PLCL2: variants seen among roughly 807,000 people sequenced by gnomAD.
The protein encoded by PLCL2 is inactive phospholipase C-like protein 2.
A neutral mutation model predicts 79.6 loss-of-function variants in PLCL2; 4 were observed. The ratio of observed to expected loss-of-function variants is 0.05; its 90% CI spans 0.02 to 0.11. The LOEUF is 0.11. Ranked by LOEUF, PLCL2 falls within the 10% of genes least tolerant of loss-of-function variation. The pLI is 1.00. For missense variants in PLCL2, 895 were observed against 1,291.0 expected (o/e 0.69, Z 4.70); for synonymous variants, 484 against 457.7 (o/e 1.06, Z -0.73).
intron 1 of PLCL2, among the ~76,000 whole-genome samples, chr3:16,906,487 C>A (rs1048083831): frequency 2.4e-4 from 36 of 151,834 alleles, no homozygotes; most frequent in African/African-American, 8.5e-4. Flanking sequence ...TTAATTTTTG[C>A]AAAGATAATA....
chr3:16,944,611 A>T (rs1228112171), intron 1 of PLCL2, among the ~76,000 whole-genome samples: 1 of 152,220 alleles, frequency 6.6e-6, no homozygotes, highest in Admixed American at 6.5e-5. Context: ...CACAGAGAGG[A>T]GATGGCCATT....
intron 1 of PLCL2, among the ~76,000 whole-genome samples, chr3:16,939,327 T>C (rs1177967152): frequency 1.3e-5 from 2 of 152,248 alleles, no homozygotes; most frequent in Non-Finnish European, 2.9e-5. Context: ...TAAATGCTTA[T>C]TTTAGAAAAA....
intron 1 of PLCL2, among the ~76,000 whole-genome samples, chr3:16,944,794 C>T (rs2063585198): frequency 1.3e-5 from 2 of 150,648 alleles, no homozygotes; most frequent in Non-Finnish European, 3.0e-5. Context: ...GAGTCTCCTT[C>T]TGTCGCCCAG....
intron 1 of PLCL2, among the ~76,000 whole-genome samples, chr3:16,911,826 T>C (rs1696887840): frequency 6.6e-6 from 1 of 152,228 alleles, no homozygotes; most frequent in African/African-American, 2.4e-5. Flanking sequence ...ATCTGAAACT[T>C]TTTGGGTACC....
chr3:17,007,192 A>T (rs1266470640), intron 1 of PLCL2, among the ~76,000 whole-genome samples: 1 of 152,120 alleles, frequency 6.6e-6, no homozygotes, highest in East Asian at 1.9e-4. Context: ...GGTGGCTCAC[A>T]CCTGTAATCC....
intron 1 of PLCL2, among the ~76,000 whole-genome samples, chr3:16,939,841 G>A (rs964351026): frequency 1.4e-4 from 22 of 152,168 alleles, no homozygotes; most frequent in Admixed American, 2.6e-4. Context: ...TCAGAAAAAC[G>A]TTTGTTTCTA....
In PLCL2 at chr3:16,993,213, A is replaced by G. The variant is rs111771563; in HGVS notation, c.328-16461A>G. 4.8e-4 allele frequency among the ~76,000 whole-genome samples: 73 copies of G among 152,326 alleles called. 1 individual carries two copies. Among genetic ancestry groups the G allele is most frequent in the Non-Finnish European group, 8.5e-4 (58 of 68,032 alleles). Reference sequence around the variant, plus strand: ...GATGATCATATGTTTCAGTTTGCCCAGGGCAGTCCCTGTTGATGTGGCATG... The same window carrying G: ...GATGATCATATGTTTCAGTTTGCCCGGGGCAGTCCCTGTTGATGTGGCATG... On this transcript the variant is annotated intron_variant, in intron 1 of 5. Transcript: ENST00000615277.
intron 3 of PLCL2, among the ~76,000 whole-genome samples, chr3:17,029,603 C>G (rs756295839): frequency 4.6e-5 from 7 of 152,126 alleles, no homozygotes; most frequent in Non-Finnish European, 8.8e-5. Context: ...GATGTTAGCA[C>G]ATGGACTGGG....
chr3:17,032,995 A>G (rs1037262705), intron 3 of PLCL2, among the ~76,000 whole-genome samples: 4 of 152,122 alleles, frequency 2.6e-5, no homozygotes, highest in African/African-American at 9.7e-5. Flanking sequence ...GCTTTTTATA[A>G]TTTGAAAATT....
chr3:16,923,963 A>G (rs1355869672), intron 1 of PLCL2, among the ~76,000 whole-genome samples: 4 of 152,194 alleles, frequency 2.6e-5, no homozygotes, highest in Middle Eastern at 3.4e-3. Context: ...TTAAAAAGTC[A>G]TTTTGATCTA....
rs1042754373 is a variant in PLCL2, at chr3:16,886,326, T to G, written c.327+960T>G. 6.6e-6 allele frequency among the ~76,000 whole-genome samples: 1 copy of G among 152,186 alleles called. No homozygotes were observed. The highest frequency in any genetic ancestry group is 1.5e-5 in the Non-Finnish European group (1 of 68,036). ...TTGCTTTCTGAAAATCAAGGAGTTA[T>G]CAGGACAGGGAGCAGCAAAGCAAAT... On this transcript the variant is annotated intron_variant, in intron 1 of 5. Coordinates refer to ENST00000615277, the MANE Select transcript of PLCL2 (RefSeq NM_001144382.2). The surrounding 1 kb of genome is among the most constrained non-coding windows in gnomAD (Gnocchi z 4.2).
At chr3:16,959,782 T>A (rs1259516709) in intron 1 of PLCL2, among the ~76,000 whole-genome samples, 2 of 152,206 alleles carry the variant, frequency 1.3e-5, no homozygotes, top group Non-Finnish European at 2.9e-5. Flanking sequence ...ACAGTGTCTC[T>A]TCCAGCTTGA....
chr3:16,945,918 C>T (rs971311028), intron 1 of PLCL2, among the ~76,000 whole-genome samples: 4 of 152,208 alleles, frequency 2.6e-5, no homozygotes, highest in Admixed American at 1.3e-4. Flanking sequence ...TCCCTCTTTT[C>T]ACTTTCTCTT....
intron 5 of PLCL2, among the ~76,000 whole-genome samples, chr3:17,080,648 A>G (rs1323458669): frequency 6.6e-6 from 1 of 152,038 alleles, no homozygotes; most frequent in Non-Finnish European, 1.5e-5. Context: ...ACAGGATTTC[A>G]CCATGTTGGC....
intron 4 of PLCL2, among the ~76,000 whole-genome samples, chr3:17,053,945 C>T (rs1344919770): frequency 6.6e-6 from 1 of 152,184 alleles, no homozygotes; most frequent in Non-Finnish European, 1.5e-5. Flanking sequence ...AAAATTTCTG[C>T]AGCCTGCTTG....
intron 1 of PLCL2, among the ~76,000 whole-genome samples, chr3:17,004,952 T>C (rs1460628486): frequency 6.6e-6 from 1 of 152,072 alleles, no homozygotes; most frequent in Non-Finnish European, 1.5e-5. Context: ...GATAAATGGC[T>C]GCTTTGTTTT....
At chr3:16,934,619 T>C (rs1162020176) in intron 1 of PLCL2, among the ~76,000 whole-genome samples, 2 of 152,136 alleles carry the variant, frequency 1.3e-5, no homozygotes, top group Admixed American at 1.3e-4. Context: ...TTGATTTGTG[T>C]TTAAAAATCT....
chr3:17,007,963 G>T (rs568341168), intron 1 of PLCL2, among the ~76,000 whole-genome samples: 40 of 152,078 alleles, frequency 2.6e-4, no homozygotes, highest in South Asian at 4.1e-4. Flanking sequence ...GAGGTAATTT[G>T]AGCACTCTTT....
intron 4 of PLCL2, among the ~76,000 whole-genome samples, chr3:17,058,078 AGAG>A (rs947927007): frequency 1.3e-5 from 2 of 152,146 alleles, no homozygotes; most frequent in African/African-American, 2.4e-5. Flanking sequence ...CTGATCACAC[AGAG>A]GAGGAGTGGG....
Sources: allele counts gnomAD v4.1 joint callset (sites outside exome capture counted in the v4.1 genomes callset), GRCh38; gene constraint gnomAD v4.1.1; non-coding constraint Gnocchi (gnomAD v3.1); transcripts MANE v1.5; gene names NCBI Gene and HGNC (gene_info 2026-07-23, HGNC 2026-07-21).